Variants in PPM1H observed in about 807,000 individuals in gnomAD.
PPM1H encodes the protein protein phosphatase 1H.
A neutral mutation model predicts 54.9 loss-of-function variants in PPM1H; 27 were observed. That is an observed-to-expected ratio of 0.49 (90% confidence interval 0.36 to 0.68). The LOEUF (loss-of-function observed/expected upper bound fraction) is 0.68. PPM1H is among the 30% of genes least tolerant of loss of function. PPM1H has a pLI of 0.00. For synonymous variants in PPM1H, 305 were observed against 270.8 expected, an observed-to-expected ratio of 1.13 and a Z score of -1.24; for missense variants, 596 against 667.8, an observed-to-expected ratio of 0.89 and a Z score of 1.19.
At chr12:62,668,872 C>G (rs796244050) in intron 8 of PPM1H, among the ~76,000 whole-genome samples, 14 of 152,358 alleles carry the variant, frequency 9.2e-5, no homozygotes, top group African/African-American at 3.1e-4. Flanking sequence ...TAGTGATGCC[C>G]TGGCATGGGG....
chr12:62,667,186 A>C lies in PPM1H; in HGVS notation c.1389T>G (p.Asp463Glu). The change falls in exon 9 of 10, where the codon GAT becomes GAG. Residue 463 changes from aspartate (D) to glutamate (E), a missense_variant. Asp to Glu is a conservative substitution (Grantham distance 45). Around this residue, in one of 3 missense-constraint regions of PPM1H, gnomAD observed 208 missense variants for 259.5 expected, o/e 0.80. Coordinates refer to ENST00000228705, the MANE Select transcript of PPM1H (RefSeq NM_020700.2). ...TGTAGAAATGCACAAACCTGTGAGG[A>C]TCATCTGGATCACAGTTAGGAAGAA... ...TQFLPNCDPDDPHRYTLAAQD... is the reference protein window; with the variant it reads ...TQFLPNCDPDEPHRYTLAAQD... 1 of 1,593,800 alleles carries C rather than the reference A, an allele frequency of 6.3e-7. No homozygotes were observed. The highest frequency in any genetic ancestry group is 8.6e-7 in the Non-Finnish European group (1 of 1,162,504).
intron 3 of PPM1H, among the ~76,000 whole-genome samples, chr12:62,797,751 A>T (rs1032316781): frequency 1.3e-5 from 2 of 152,212 alleles, no homozygotes; most frequent in Non-Finnish European, 2.9e-5. Flanking sequence ...TCTGAAGCTC[A>T]CCTTAAGCAA....
At chr12:62,747,649 T>C (rs2076420510) in intron 4 of PPM1H, among the ~76,000 whole-genome samples, 1 of 152,242 alleles carries the variant, frequency 6.6e-6, no homozygotes, top group Non-Finnish European at 1.5e-5. Context: ...AAAGCCCATG[T>C]TCTGCCAGGG....
At chr12:62,912,428 C>T (rs563817815) in intron 1 of PPM1H, among the ~76,000 whole-genome samples, 23 of 152,224 alleles carry the variant, frequency 1.5e-4, no homozygotes, top group African/African-American at 5.5e-4. Flanking sequence ...ACAGGGCTTC[C>T]ACAATCTGGA....
At chr12:62,906,288 G>A (rs969493217) in intron 1 of PPM1H, among the ~76,000 whole-genome samples, 3 of 152,134 alleles carry the variant, frequency 2.0e-5, no homozygotes, top group Non-Finnish European at 4.4e-5. Flanking sequence ...AAACAGACAA[G>A]TTTAAGAACA....
intron 9 of PPM1H, chr12:62,659,368 A>C (rs1244233149): frequency 2.3e-6 from 1 of 433,864 alleles, no homozygotes; most frequent in East Asian, 4.7e-5. Context: ...TTGTTGAGAC[A>C]GTTCAAAAGA....
At chr12:62,755,179 C>T in intron 4 of PPM1H, 2 of 572,394 alleles carry the variant, frequency 3.5e-6, no homozygotes, top group Non-Finnish European at 3.2e-6. Flanking sequence ...ATTTGACAGA[C>T]AGCCGCCTCT....
chr12:62,739,375 G>A (rs1272837178), intron 4 of PPM1H, among the ~76,000 whole-genome samples: 1 of 152,122 alleles, frequency 6.6e-6, no homozygotes, highest in Non-Finnish European at 1.5e-5. Context: ...TTGACAGGAT[G>A]GAGAAACACA....
chr12:62,914,289 G>A (rs1452124838), intron 1 of PPM1H, among the ~76,000 whole-genome samples: 1 of 152,202 alleles, frequency 6.6e-6, no homozygotes, highest in African/African-American at 2.4e-5. Flanking sequence ...CTTCAACCAT[G>A]AGTGGAAGCA....
At chr12:62,768,400 A>G (rs2076557098) in intron 4 of PPM1H, among the ~76,000 whole-genome samples, 1 of 152,314 alleles carries the variant, frequency 6.6e-6, no homozygotes, top group Non-Finnish European at 1.5e-5. Flanking sequence ...ACATGCCTGT[A>G]ATCCCAGCTT....
At chr12:62,790,474 A>G (rs1179413460) in intron 3 of PPM1H, among the ~76,000 whole-genome samples, 1 of 152,186 alleles carries the variant, frequency 6.6e-6, no homozygotes, top group African/African-American at 2.4e-5. Context: ...TGGGAGGCTG[A>G]GGACAGAGGA....
chr12:62,807,250 T>A (rs968719569), intron 2 of PPM1H, among the ~76,000 whole-genome samples: 1 of 152,088 alleles, frequency 6.6e-6, no homozygotes, highest in African/African-American at 2.4e-5. Flanking sequence ...AACCATTGAC[T>A]GAAGTAAGAA....
intron 8 of PPM1H, among the ~76,000 whole-genome samples, chr12:62,681,010 G>T (rs887883220): frequency 2.0e-5 from 3 of 152,128 alleles, no homozygotes; most frequent in African/African-American, 7.2e-5. Flanking sequence ...TCCCGCTCTG[G>T]GATTGGGAGA....
At chr12:62,779,601 G>A (rs1261404765) in intron 4 of PPM1H, among the ~76,000 whole-genome samples, 2 of 152,208 alleles carry the variant, frequency 1.3e-5, no homozygotes, top group African/African-American at 2.4e-5. Context: ...CACCTGAGGA[G>A]TGAGTACTAT....
At position 62,812,267 on chromosome 12, in the gene PPM1H, C is replaced by T. The variant is rs538805168; in HGVS notation, c.412-10107G>A. On this transcript the variant is annotated intron_variant, in intron 2 of 9. Transcript: ENST00000228705. ...GAAGCTTCAGAAAATGTTGATGGGG[C>T]ACCAGCACAGGATGCAAATCAGACC... Among the ~76,000 whole-genome samples the T allele has an allele frequency of 1.1e-4, 16 of 152,320 alleles. No individual in the cohort carries two copies. The East Asian group carries it at 2.9e-3, about 28-fold the overall frequency.
At chr12:62,821,835 A>G (rs1263450627) in intron 2 of PPM1H, among the ~76,000 whole-genome samples, 1 of 152,244 alleles carries the variant, frequency 6.6e-6, no homozygotes, top group Admixed American at 6.5e-5. Flanking sequence ...CTTCGGTGCT[A>G]GGAAGAAACT....
chr12:62,727,073 C>T (rs1459431266), intron 5 of PPM1H, among the ~76,000 whole-genome samples: 1 of 152,038 alleles, frequency 6.6e-6, no homozygotes, highest in Non-Finnish European at 1.5e-5. Context: ...CGCTACCATG[C>T]CCAGCAAATT....
At chr12:62,670,714 C>T (rs754605177) in intron 8 of PPM1H, among the ~76,000 whole-genome samples, 4 of 152,166 alleles carry the variant, frequency 2.6e-5, no homozygotes, top group Admixed American at 6.5e-5. Flanking sequence ...TTTCTATGCT[C>T]GGCTCCCTAA....
intron 4 of PPM1H, among the ~76,000 whole-genome samples, chr12:62,768,981 C>T (rs1200945468): frequency 1.3e-5 from 2 of 152,128 alleles, no homozygotes; most frequent in African/African-American, 2.4e-5. Flanking sequence ...TTGTTTTGCA[C>T]AGCTTATTGT....
Sources: gnomAD v4.1 joint callset for allele counts (sites outside exome capture counted in the v4.1 genomes callset) on GRCh38, gnomAD v4.1.1 for gene constraint, gnomAD v4.1.1 regional missense constraint, MANE v1.5 for transcripts, NCBI Gene and HGNC (gene_info 2026-07-23, HGNC 2026-07-21) for gene names.